Variants in UNC13C observed in about 807,000 individuals in gnomAD.
UNC13C encodes unc-13 homolog C.
Under a neutral mutation model 245.4 loss-of-function variants are expected in UNC13C, and 174 were observed. The observed-to-expected ratio is 0.71, with a 90% confidence interval of 0.63 to 0.80. The LOEUF (loss-of-function observed/expected upper bound fraction) is 0.80. UNC13C is among the 30% of genes least tolerant of loss of function. The probability of loss-of-function intolerance (pLI) is 0.00; values close to 1 mark genes in which losing one functional copy is unlikely to be tolerated. For missense variants in UNC13C, 2,829 were observed against 2,602.9 expected (o/e 1.09, Z -1.89); for synonymous variants, 992 against 895.1 (o/e 1.11, Z -1.93).
intron 2 of UNC13C, among the ~76,000 whole-genome samples, chr15:54,071,587 T>C (rs1898329708): frequency 6.6e-6 from 1 of 152,130 alleles, no homozygotes; most frequent in Non-Finnish European, 1.5e-5. Flanking sequence ...CAATGGTCTA[T>C]GGGGCACATG....
intron 2 of UNC13C, among the ~76,000 whole-genome samples, chr15:54,124,612 T>G (rs1003896315): frequency 6.6e-6 from 1 of 151,466 alleles, no homozygotes; most frequent in South Asian, 2.1e-4. Context: ...AAGGTCTTTC[T>G]AAGAACAATT....
At chr15:54,383,321 T>A (rs1051515093) in intron 17 of UNC13C, among the ~76,000 whole-genome samples, 4 of 152,016 alleles carry the variant, frequency 2.6e-5, no homozygotes, top group African/African-American at 9.7e-5. Flanking sequence ...AACAACACAT[T>A]AAACAGATAA....
chr15:54,378,514 ATAAACT>A (rs1218405406), intron 17 of UNC13C, among the ~76,000 whole-genome samples: 14 of 151,990 alleles, frequency 9.2e-5, no homozygotes, highest in African/African-American at 3.4e-4. Flanking sequence ...AGCATATACC[ATAAACT>A]TAATTAAATG....
chr15:54,172,237 ATAAT>A (rs1242842376), intron 4 of UNC13C, among the ~76,000 whole-genome samples: 6 of 152,068 alleles, frequency 3.9e-5, no homozygotes, highest in Non-Finnish European at 8.8e-5. Flanking sequence ...ACATTTTAAA[ATAAT>A]TAAAAGAGTA....
intron 2 of UNC13C, among the ~76,000 whole-genome samples, chr15:54,073,172 G>A (rs1898416676): frequency 1.3e-5 from 2 of 152,056 alleles, no homozygotes; most frequent in Admixed American, 1.3e-4. Context: ...GAGAATGGTG[G>A]TTTCCAGCTT....
chr15:54,269,796 G>A (rs1352867666), intron 10 of UNC13C, among the ~76,000 whole-genome samples: 1 of 152,070 alleles, frequency 6.6e-6, no homozygotes, highest in Non-Finnish European at 1.5e-5. Flanking sequence ...TTGTGTGCCT[G>A]GTTTCCTTTT....
chr15:53,996,014 G>A (rs1180965308), intron 1 of UNC13C, among the ~76,000 whole-genome samples: 2 of 152,136 alleles, frequency 1.3e-5, no homozygotes, highest in Non-Finnish European at 2.9e-5. Flanking sequence ...TTTACAACAT[G>A]GAAGATATAA....
chr15:53,938,479 G>A, the UNC13C span, among the ~76,000 whole-genome samples: 8 of 152,114 alleles, frequency 5.3e-5, no homozygotes, highest in East Asian at 1.4e-3. Flanking sequence ...AGATAATCAG[G>A]ACCTGAACTG....
chr15:53,893,052 C>T, the UNC13C span, among the ~76,000 whole-genome samples: 6 of 151,752 alleles, frequency 4.0e-5, no homozygotes, highest in Non-Finnish European at 8.8e-5. Flanking sequence ...CAGATGGGGT[C>T]TTTGAGTAGA....
At chr15:53,925,141 C>T in the UNC13C span, among the ~76,000 whole-genome samples, 2 of 152,070 alleles carry the variant, frequency 1.3e-5, no homozygotes, top group Non-Finnish European at 2.9e-5. Context: ...TATTTTGTGT[C>T]TTTAATGGAG....
chr15:54,136,815 C>T (rs1368235770), intron 2 of UNC13C, among the ~76,000 whole-genome samples: 1 of 149,882 alleles, frequency 6.7e-6, no homozygotes, highest in East Asian at 2.0e-4. Context: ...ATATAATTTT[C>T]ATCCTTCATT....
In UNC13C at chr15:54,458,680, C is replaced by CTTTTTTTTTTTTTTT. The variant is rs79291504; in HGVS notation, c.4934-35919_4934-35905dup. On this transcript the variant is annotated intron_variant, in intron 19 of 32. Coordinates refer to ENST00000260323, the MANE Select transcript of UNC13C (RefSeq NM_001080534.3). ...TTTTAAACTATTGTTCCTTTAAGGTCTTTTTTTTTTTTTTTTTTTTTTTAA... is the reference window on the plus strand; with the variant it reads ...TTTTAAACTATTGTTCCTTTAAGGTCTTTTTTTTTTTTTTTTTTTTTTTTTTTTTTTTTTTTTTAA... Among the ~76,000 whole-genome samples, 20 of 65,970 alleles carry CTTTTTTTTTTTTTTT rather than the reference C, an allele frequency of 3.0e-4. 6 individuals are homozygous for CTTTTTTTTTTTTTTT. The highest frequency in any genetic ancestry group is 1.2e-3 in the East Asian group (2 of 1,706). The allele number at this position is 65,970 out of a possible 152,430, so 43.3% of individuals were successfully genotyped here. A position where few individuals can be genotyped will look rare whatever the true frequency, so the allele number is the denominator to read the frequency against.
At chr15:54,622,763 CTA>C (rs1156695812) in intron 31 of UNC13C, among the ~76,000 whole-genome samples, 1 of 152,020 alleles carries the variant, frequency 6.6e-6, no homozygotes, top group African/African-American at 2.4e-5. Flanking sequence ...ACTGCTTTTT[CTA>C]TATGATTTCC....
At chr15:54,197,749 A>G (rs2034402683) in intron 4 of UNC13C, among the ~76,000 whole-genome samples, 1 of 152,150 alleles carries the variant, frequency 6.6e-6, no homozygotes, top group Non-Finnish European at 1.5e-5. Context: ...AGAGAGCAAT[A>G]TGTGAATACT....
chr15:53,951,874 C>T, the UNC13C span, among the ~76,000 whole-genome samples: 1 of 152,054 alleles, frequency 6.6e-6, no homozygotes, highest in African/African-American at 2.4e-5. Context: ...TCAAGTGATT[C>T]TTTGGGCTCT....
intron 29 of UNC13C, among the ~76,000 whole-genome samples, chr15:54,557,616 C>G (rs564580726): frequency 6.6e-6 from 1 of 151,720 alleles, no homozygotes; most frequent in East Asian, 2.0e-4. Context: ...AAGCAGAGAC[C>G]TTATGAGAAA....
intron 2 of UNC13C, among the ~76,000 whole-genome samples, chr15:54,075,131 G>A (rs1898527450): frequency 6.6e-6 from 1 of 152,088 alleles, no homozygotes; most frequent in South Asian, 2.1e-4. Flanking sequence ...CACAGTCAAA[G>A]GAAAGGGTGT....
At chr15:54,419,317 GACTAA>G (rs1567255929) in intron 19 of UNC13C, among the ~76,000 whole-genome samples, 1 of 152,074 alleles carries the variant, frequency 6.6e-6, no homozygotes, top group African/African-American at 2.4e-5. Flanking sequence ...GAAAGAACAG[GACTAA>G]ACTAACTTCT....
intron 4 of UNC13C, among the ~76,000 whole-genome samples, chr15:54,185,135 ATTTG>A (rs2033933532): frequency 1.3e-5 from 2 of 151,868 alleles, no homozygotes; most frequent in South Asian, 4.2e-4. Flanking sequence ...TTTCTTGTAA[ATTTG>A]TTTGAGTTCA....
Sources: gnomAD v4.1 joint callset for allele counts (sites outside exome capture counted in the v4.1 genomes callset) on GRCh38, gnomAD v4.1.1 for gene constraint, MANE v1.5 for transcripts, NCBI Gene and HGNC (gene_info 2026-07-23, HGNC 2026-07-21) for gene names.